Variants in ZNF292 observed in about 807,000 individuals in gnomAD.
ZNF292 encodes the protein 16 zinc-finger domain protein.
ZNF292 carries 26 observed loss-of-function variants against 217.9 expected under a neutral mutation model. That is an observed-to-expected ratio of 0.12 (90% confidence interval 0.09 to 0.17). The LOEUF (loss-of-function observed/expected upper bound fraction) is 0.17. Among genes scored for constraint, ZNF292 ranks in the 10% least tolerant of loss-of-function variants. The pLI is 1.00. For synonymous variants in ZNF292, 1,257 were observed against 1,124.1 expected, an observed-to-expected ratio of 1.12 and a Z score of -2.37; for missense variants, 2,904 against 3,175.2, an observed-to-expected ratio of 0.91 and a Z score of 2.05.
Position 87,261,349 on chromosome 6 carries a change from A to G in ZNF292, c.7720A>G (p.Ile2574Val), listed in dbSNP as rs762416319. The change falls in exon 8 of 8, where the codon ATT becomes GTT. Residue 2574 changes from isoleucine to valine, a missense_variant. Physicochemically the swap from Ile to Val is conservative, Grantham distance 29. Coordinates refer to ENST00000369577, the MANE Select transcript of ZNF292 (RefSeq NM_015021.3). ...AGAAACTGCTGTTGCCATTCAAACC[A>G]TTGAGGAGCATCCTGCATCTTTTGA... ...EEETAVAIQTIEEHPASFDWS... is the reference protein window; with the variant it reads ...EEETAVAIQTVEEHPASFDWS... The G allele has an allele frequency of 1.2e-6, 2 of 1,613,416 alleles. No individual in the cohort carries two copies. The highest frequency in any genetic ancestry group is 1.7e-5 in the Admixed American group (1 of 59,908).
At chr6:87,215,793 TATAA>T (rs1772722825) in intron 1 of ZNF292, 106 bp from the exon 2 acceptor site, 1 of 785,578 alleles carries the variant, frequency 1.3e-6, no homozygotes, top group Non-Finnish European at 1.9e-6. Context: ...TTTTTGTTTT[TATAA>T]ATAAAAATCT....
intron 5 of ZNF292, among the ~76,000 whole-genome samples, chr6:87,242,369 A>T (rs1433834848): frequency 6.6e-6 from 1 of 152,116 alleles, no homozygotes; most frequent in Non-Finnish European, 1.5e-5. Context: ...GGCCCAATTT[A>T]ATGTGTAAAA....
At chr6:87,250,848 C>T (rs1261805040) in intron 7 of ZNF292, among the ~76,000 whole-genome samples, 3 of 152,208 alleles carry the variant, frequency 2.0e-5, no homozygotes, top group African/African-American at 7.2e-5. Flanking sequence ...AAATACATCC[C>T]TGCCTTTAAG....
chr6:87,236,405 T>TA (rs3831157), intron 5 of ZNF292, among the ~76,000 whole-genome samples: 30,626 of 143,636 alleles, frequency 0.21, 3,646 homozygotes, highest in East Asian at 0.37. Flanking sequence ...TTTTTTTTTT[T>TA]AAAAAAGAAA....
intron 6 of ZNF292, 67 bp from the exon 7 acceptor site, chr6:87,245,436 T>C: frequency 2.5e-6 from 3 of 1,183,918 alleles, no homozygotes; most frequent in Non-Finnish European, 3.5e-6. Context: ...ATGTAATGAC[T>C]GGACTGATGT....
rs542209868 is a variant in ZNF292 at position 87,226,894 on chromosome 6, G to A, written c.539-6431G>A. ...GGGGTTTCACTATGTTGGCCAGGCT[G>A]GTCTCAAACTCCTGACCTCAGGTGA... On this transcript the variant is annotated intron_variant, in intron 4 of 7. Coordinates refer to ENST00000369577, the MANE Select transcript of ZNF292 (RefSeq NM_015021.3). Among the ~76,000 whole-genome samples, 9 of 151,842 alleles carry A rather than the reference G, an allele frequency of 5.9e-5. No homozygotes were observed. The South Asian group carries it at 1.0e-3, about 18-fold the overall frequency.
chr6:87,224,652 C>CT (rs1047936746), intron 4 of ZNF292, among the ~76,000 whole-genome samples: 2 of 152,164 alleles, frequency 1.3e-5, no homozygotes, highest in Non-Finnish European at 2.9e-5. Flanking sequence ...AACCAATGAG[C>CT]TATTAGCTCA....
chr6:87,180,619 G>T (rs1771444435), intron 1 of ZNF292, among the ~76,000 whole-genome samples: 2 of 152,120 alleles, frequency 1.3e-5, no homozygotes, highest in South Asian at 4.1e-4. Flanking sequence ...GGCCCTGCTG[G>T]TAATGAGATT....
At position 87,245,547 on chromosome 6, in the gene ZNF292, C is replaced by A; in HGVS notation, c.923C>A (p.Pro308Gln). ...AGTAAATTACAACAAAGAGTAGAAC[C>A]ATCTATACAAGTGTACCTTGAGAGG... ...FWSKLQQRVE[P>Q]SIQVYLERCR... The change falls in exon 7 of 8, where the codon CCA becomes CAA. Residue 308 changes from proline (P) to glutamine (Q), a missense_variant. Transcript: ENST00000369577. 1 of 1,553,986 alleles carries A rather than the reference C, an allele frequency of 6.4e-7. No homozygotes were observed. Among genetic ancestry groups the A allele is most frequent in the Non-Finnish European group, 8.7e-7 (1 of 1,150,480 alleles).
At chr6:87,189,283 G>T (rs1170656588) in intron 1 of ZNF292, among the ~76,000 whole-genome samples, 1 of 152,022 alleles carries the variant, frequency 6.6e-6, no homozygotes, top group East Asian at 1.9e-4. Flanking sequence ...TTTTAAATTT[G>T]TAGAAGCATG....
intron 1 of ZNF292, among the ~76,000 whole-genome samples, chr6:87,201,319 G>A (rs1562136571): frequency 6.6e-6 from 1 of 152,228 alleles, no homozygotes; most frequent in South Asian, 2.1e-4. Context: ...CCATTATGAT[G>A]TGTATTTTCT....
chr6:87,206,646 T>G (rs1412023959), intron 1 of ZNF292, among the ~76,000 whole-genome samples: 1 of 152,240 alleles, frequency 6.6e-6, no homozygotes, highest in African/African-American at 2.4e-5. Flanking sequence ...TTTCTCCATT[T>G]GTCCCAATAA....
chr6:87,241,982 C>T (rs1021561342), intron 5 of ZNF292, among the ~76,000 whole-genome samples: 1 of 152,020 alleles, frequency 6.6e-6, no homozygotes, highest in African/African-American at 2.4e-5. Flanking sequence ...TTAGGATGGG[C>T]GTGTTGGGAT....
intron 1 of ZNF292, among the ~76,000 whole-genome samples, chr6:87,156,278 G>A (rs1354197642): frequency 6.6e-6 from 1 of 152,172 alleles, no homozygotes; most frequent in African/African-American, 2.4e-5. Flanking sequence ...TGTTGTTCGA[G>A]TTTCGCCTTA....
rs1036399244 is a variant in ZNF292, at chr6:87,263,844, C to T, written c.*2043C>T. ...CACTTGGCAAAACTGCCCTATATAG[C>T]ACAGTAGCAAGTAGGTTTATTTCTG... On this transcript the variant is annotated 3_prime_UTR_variant, in exon 8 of 8. Coordinates refer to ENST00000369577, the MANE Select transcript of ZNF292 (RefSeq NM_015021.3). 1.3e-5 allele frequency: 2 copies of T among 152,022 alleles called. No individual in the cohort carries two copies. Among genetic ancestry groups the T allele is most frequent in the African/African-American group, 4.8e-5 (2 of 41,402 alleles). The allele number at this position is 152,022 out of a possible 1,614,324, so 9.4% of individuals were successfully genotyped here.
At chr6:87,233,277 T>G in intron 4 of ZNF292, 48 bp from the exon 5 acceptor site, 1 of 1,376,528 alleles carries the variant, frequency 7.3e-7, no homozygotes, top group African/African-American at 1.5e-5. Flanking sequence ...GTATTGCAAA[T>G]GAATTATTAC....
intron 7 of ZNF292, among the ~76,000 whole-genome samples, chr6:87,249,710 A>G (rs1452150193): frequency 2.0e-5 from 3 of 151,514 alleles, no homozygotes; most frequent in African/African-American, 7.3e-5. Context: ...TTAACTGGTA[A>G]CCTTTTTTTT....
intron 4 of ZNF292, among the ~76,000 whole-genome samples, chr6:87,232,702 C>G (rs938333152): frequency 6.6e-6 from 1 of 151,836 alleles, no homozygotes; most frequent in Non-Finnish European, 1.5e-5. Context: ...TTAAAAATAA[C>G]GACATAAAAC....
rs758013110 is a variant in ZNF292 at position 87,155,601 on chromosome 6, G to A, written c.10G>A (p.Glu4Lys). 3.2e-6 allele frequency: 5 copies of A among 1,580,208 alleles called. No individual in the cohort carries two copies. In the Admixed American group the frequency reaches 7.4e-5, roughly 23 times the overall value. MAD[E>K]EAEQERLSCG... ...GGAGCGGGGTGTGAAGATGGCGGAC[G>A]AAGAGGCCGAGCAGGAGAGGTTGAG... Residue 4 changes from glutamate to lysine, a missense_variant, in exon 1 of 8, where the codon GAA (glutamate) becomes AAA (lysine). Physicochemically the swap from Glu to Lys is moderately conservative, Grantham distance 56. Coordinates refer to ENST00000369577, the MANE Select transcript of ZNF292 (RefSeq NM_015021.3).
Sources: allele counts gnomAD v4.1 joint callset (sites outside exome capture counted in the v4.1 genomes callset), GRCh38; gene constraint gnomAD v4.1.1; transcripts MANE v1.5; gene names NCBI Gene and HGNC (gene_info 2026-07-23, HGNC 2026-07-21).